UBR4: variants seen among roughly 807,000 people sequenced by gnomAD.
UBR4 encodes E3 ubiquitin-protein ligase UBR4.
Under a neutral mutation model 575.6 loss-of-function variants are expected in UBR4, and 124 were observed. That is an observed-to-expected ratio of 0.22 (90% CI 0.19 to 0.25). UBR4 has a LOEUF of 0.25. Ranked by LOEUF, UBR4 falls within the 10% of genes least tolerant of loss-of-function variation. The pLI is 1.00. For missense variants in UBR4, 4,818 were observed against 6,478.8 expected (o/e 0.74, Z 8.80); for synonymous variants, 2,455 against 2,473.7 (o/e 0.99, Z 0.22).
chr1:19,160,114 C>T lies in UBR4; in HGVS notation c.5574G>A (p.Leu1858=), dbSNP rs1261062346. The T allele has an allele frequency of 6.2e-7, 1 of 1,608,206 alleles. No individual in the cohort carries two copies. The highest frequency in any genetic ancestry group is 8.5e-7 in the Non-Finnish European group (1 of 1,177,372). ...VEKAVEMTDQ[L]MVPTLGSQEG... ...ATCATGGCCCCAAGACACTCACCAT[C>T]AGCTGGTCTGTCATCTCCACTGCCT... is the stretch of plus-strand genomic sequence containing the variant. Residue 1858 remains leucine (L), a synonymous_variant, in exon 39 of 106, where the codon CTG becomes CTA. Transcript: ENST00000375254.
Position 19,128,321 on chromosome 1 carries a change from A to G in UBR4, c.9004-3T>C, listed in dbSNP as rs1485552301. ...TCTGTAGTGAGCATTAGAATGACCTAGAAGTCAAAGACAGAAAACACAAAA... is the reference window on the plus strand; with the variant it reads ...TCTGTAGTGAGCATTAGAATGACCTGGAAGTCAAAGACAGAAAACACAAAA... On this transcript the variant is annotated splice_region_variant and splice_polypyrimidine_tract_variant and intron_variant, in intron 61 of 105. Transcript: ENST00000375254. 2 of 1,613,092 alleles carry G rather than the reference A, an allele frequency of 1.2e-6. No individual in the cohort carries two copies. Among genetic ancestry groups the G allele is most frequent in the Non-Finnish European group, 8.5e-7 (1 of 1,179,402 alleles).
chr1:19,203,768 A>G (rs1393480150), intron 1 of UBR4, among the ~76,000 whole-genome samples: 1 of 152,234 alleles, frequency 6.6e-6, no homozygotes, highest in African/African-American at 2.4e-5. Flanking sequence ...CAAGAAAAAA[A>G]TATTTATGGA....
intron 62 of UBR4, 66 bp from the exon 63 acceptor site, chr1:19,127,805 G>C: frequency 7.5e-7 from 1 of 1,340,362 alleles, no homozygotes; most frequent in Non-Finnish European, 1.1e-6. Flanking sequence ...CTCTGAACAA[G>C]ATCCCTTCAA....
Position 19,110,582 on chromosome 1 carries a change from G to A in UBR4, c.11893-118C>T, listed in dbSNP as rs2079737128. The A allele has an allele frequency of 7.5e-7, 1 of 1,341,754 alleles. No individual in the cohort carries two copies. The highest frequency in any genetic ancestry group is 1.1e-6 in the Non-Finnish European group (1 of 945,634). 83.1% of individuals were successfully genotyped at this position (1,341,754 alleles called of 1,614,324 possible). ...CCAACAGAGACAAAGGACAGACGGA[G>A]ACCCTTGTGCTCCAGGCTCTTCCCT... On this transcript the variant is annotated intron_variant, in intron 79 of 105. Transcript: ENST00000375254. This position sits in a 1 kb window ranked among gnomAD's most constrained non-coding sequence, Gnocchi z 4.5.
intron 8 of UBR4, among the ~76,000 whole-genome samples, chr1:19,194,695 G>C (rs879766814): frequency 2.0e-5 from 3 of 152,112 alleles, no homozygotes; most frequent in African/African-American, 7.2e-5. Flanking sequence ...CCAGCTACTC[G>C]GGAAGCTGAA....
Position 19,122,025 on chromosome 1 carries a change from C to A in UBR4, c.9817-13G>T, listed in dbSNP as rs755384937. On this transcript the variant is annotated splice_polypyrimidine_tract_variant and intron_variant, in intron 66 of 105. Transcript: ENST00000375254. ...TCAGGTGCTCCATCTGAAATAGGAA[C>A]CAACCACGGGAAAGGAGTAACTCCA... The A allele has an allele frequency of 6.2e-7, 1 of 1,613,850 alleles. No homozygotes were observed. The highest frequency in any genetic ancestry group is 8.5e-7 in the Non-Finnish European group (1 of 1,179,886).
chr1:19,128,298 T>C lies in UBR4; in HGVS notation c.9024A>G (p.Thr3008=), dbSNP rs774002202. ...PYMQVILMLT[T]DLDGEDEKDK... ...CTTTCTCATCTTCTCCATCCAGATC[T>C]GTAGTGAGCATTAGAATGACCTAGA... The change falls in exon 62 of 106, where the codon ACA becomes ACG. Residue 3008 remains threonine, a synonymous_variant. Coordinates refer to ENST00000375254, the MANE Select transcript of UBR4 (RefSeq NM_020765.3). The C allele has an allele frequency of 1.9e-6, 3 of 1,614,058 alleles. No individual in the cohort carries two copies. In the South Asian group the frequency reaches 3.3e-5, roughly 18 times the overall value.
chr1:19,093,066 G>T lies in UBR4; in HGVS notation c.14112-148C>A. 1 of 870,416 alleles carries T rather than the reference G, an allele frequency of 1.1e-6. No homozygotes were observed. The highest frequency in any genetic ancestry group is 1.8e-5 in the South Asian group (1 of 56,254). 53.9% of individuals were successfully genotyped at this position (870,416 alleles called of 1,614,324 possible). On this transcript the variant is annotated intron_variant, in intron 96 of 105. Transcript: ENST00000375254. This position sits in a 1 kb window ranked among gnomAD's most constrained non-coding sequence, Gnocchi z 4.8. ...ATAAAGAATCACATAGAACCACCCA[G>T]CTCAGCTGAAAAGCCAGAAAGAAGT...
At chr1:19,140,726 A>G (rs1461823358) in intron 58 of UBR4, 62 bp downstream of exon 58, 1 of 1,495,098 alleles carries the variant, frequency 6.7e-7, no homozygotes, top group Non-Finnish European at 9.1e-7. Context: ...CTCTCACAGC[A>G]GTGGAAACAA....
Position 19,086,785 on chromosome 1 carries a change from G to C in UBR4, c.14581C>G (p.Arg4861Gly). 6.2e-7 allele frequency: 1 copy of C among 1,614,214 alleles called. No individual in the cohort carries two copies. The change falls in exon 100 of 106, where the codon CGG becomes GGG. Residue 4861 changes from arginine (R) to glycine (G), a missense_variant. By Grantham distance (125) the Arg-to-Gly change is moderately radical. Around this residue, in one of 29 missense-constraint regions of UBR4, gnomAD observed 196 missense variants for 386.8 expected, o/e 0.51. Coordinates refer to ENST00000375254, the MANE Select transcript of UBR4 (RefSeq NM_020765.3). The stretch of plus-strand genomic sequence containing the variant: ...TTCTCCATCTCCTCCAAGGCTACCC[G>C]CTTCGTGAAGGTATAAATGCCCAGG... ...KVLGIYTFTK[R>G]VALEEMENKP...
At chr1:19,170,637 T>A (rs1260215746) in intron 26 of UBR4, 125 bp downstream of exon 26, 2 of 1,309,348 alleles carry the variant, frequency 1.5e-6, no homozygotes, top group Non-Finnish European at 2.1e-6. Context: ...CCTACCTAAA[T>A]GCTTGATACA....
At chr1:19,081,623 C>T (rs186086153) in intron 102 of UBR4, 50 bp from the exon 103 acceptor site, 143 of 1,598,030 alleles carry the variant, frequency 8.9e-5, no homozygotes, top group Non-Finnish European at 1.1e-4. Flanking sequence ...AAGCAGGACC[C>T]GGCAGCAAGA....
intron 43 of UBR4, 113 bp from the exon 44 acceptor site, chr1:19,155,188 A>C (rs1451270722): frequency 7.1e-7 from 1 of 1,417,184 alleles, no homozygotes; most frequent in Non-Finnish European, 9.7e-7. Context: ...TACTCTAAGC[A>C]TGAGATCCCT....
At chr1:19,148,473 C>G in intron 50 of UBR4, 90 bp downstream of exon 50, 1 of 1,478,572 alleles carries the variant, frequency 6.8e-7, no homozygotes, top group Non-Finnish European at 9.4e-7. Flanking sequence ...TATAAATGTT[C>G]TTTAGCTTCG....
chr1:19,162,037 A>G (rs2087460017), intron 35 of UBR4, 140 bp from the exon 36 acceptor site: 1 of 973,472 alleles, frequency 1.0e-6, no homozygotes, highest in Non-Finnish European at 1.5e-6. Context: ...ACAACTGGAA[A>G]TAGCTAGCTG....
Position 19,210,088 on chromosome 1 carries a change from G to A in UBR4, c.161C>T (p.Ala54Val), listed in dbSNP as rs764992028. Reference sequence around the variant, plus strand: ...CGCCCGGTACCTCTCGATGACTGAGGCCACCAGCTGCGGCAACTCCTTCAT... The same window carrying A: ...CGCCCGGTACCTCTCGATGACTGAGACCACCAGCTGCGGCAACTCCTTCAT... ...FEMKELPQLV[A>V]SVIESESEIL... The change falls in exon 1 of 106, where the codon GCC (alanine) becomes GTC (valine). Residue 54 changes from alanine (A) to valine (V), a missense_variant. Coordinates refer to ENST00000375254, the MANE Select transcript of UBR4 (RefSeq NM_020765.3). 2 of 1,572,470 alleles carry A rather than the reference G, an allele frequency of 1.3e-6. No individual in the cohort carries two copies. The highest frequency in any genetic ancestry group is 1.7e-6 in the Non-Finnish European group (2 of 1,161,972).
chr1:19,105,270 A>C, intron 84 of UBR4, 81 bp from the exon 85 acceptor site: 1 of 1,471,738 alleles, frequency 6.8e-7, no homozygotes, highest in Non-Finnish European at 9.1e-7. Context: ...TCTCCTCCCA[A>C]TCTTTCCTAT....
intron 17 of UBR4, among the ~76,000 whole-genome samples, chr1:19,180,606 G>A (rs1571538584): frequency 6.7e-6 from 1 of 150,134 alleles, no homozygotes; most frequent in Non-Finnish European, 1.5e-5. Context: ...TTCTAATAAT[G>A]GAAAAATCAG....
chr1:19,136,889 C>T (rs886729876), intron 60 of UBR4, among the ~76,000 whole-genome samples: 16 of 152,106 alleles, frequency 1.1e-4, no homozygotes, highest in African/African-American at 3.1e-4. Context: ...AAGCGGCTTA[C>T]GTTCAAGCAG....
Sources: gnomAD v4.1 joint callset for allele counts (sites outside exome capture counted in the v4.1 genomes callset) on GRCh38, gnomAD v4.1.1 for gene constraint, gnomAD v4.1.1 regional missense constraint, Gnocchi (gnomAD v3.1) non-coding constraint, MANE v1.5 for transcripts, NCBI Gene and HGNC (gene_info 2026-07-23, HGNC 2026-07-21) for gene names.